Variants in ARHGEF9 observed in about 807,000 individuals in gnomAD.
ARHGEF9 encodes rho guanine nucleotide exchange factor 9.
In ARHGEF9, 2 loss-of-function variants were observed where a neutral mutation model predicts 41.3. That is an observed-to-expected ratio of 0.05 (90% CI 0.02 to 0.15). ARHGEF9 has a LOEUF of 0.15. ARHGEF9 is among the 10% of genes least tolerant of loss of function. The pLI, the probability that ARHGEF9 is intolerant of heterozygous loss-of-function variation, is 1.00. For synonymous variants in ARHGEF9, 160 were observed against 154.4 expected, an observed-to-expected ratio of 1.04 and a Z score of -0.27; for missense variants, 225 against 424.7, an observed-to-expected ratio of 0.53 and a Z score of 4.13.
chrX:63,654,105 T>C (rs1278434174), intron 8 of ARHGEF9, among the ~76,000 whole-genome samples: 1 of 109,080 alleles, frequency 9.2e-6, no homozygotes, highest in Non-Finnish European at 1.9e-5. Flanking sequence ...TACTTTTCTG[T>C]TGCTTTTTCC....
At chrX:63,775,128 C>T (rs782741102) in intron 1 of ARHGEF9, among the ~76,000 whole-genome samples, 2 of 112,254 alleles carry the variant, frequency 1.8e-5, no homozygotes, top group Non-Finnish European at 3.8e-5. Context: ...CAATGAGATA[C>T]CATCTCACAC....
chrX:63,725,480 AGGCAGGACCTGTGCAT>A (rs782510296), intron 1 of ARHGEF9, among the ~76,000 whole-genome samples: 1 of 112,610 alleles, frequency 8.9e-6, no homozygotes, highest in African/African-American at 3.2e-5. Context: ...TCAGCTGGCA[AGGCAGGACCTGTGCAT>A]GGAATGCACG....
At chrX:63,767,126 A>C in intron 1 of ARHGEF9, 1 of 942,689 alleles carries the variant, frequency 1.1e-6, no homozygotes. Context: ...TCACCATTAC[A>C]GGCCATGCTG....
intron 3 of ARHGEF9, among the ~76,000 whole-genome samples, chrX:63,700,041 CAG>C (rs1458362727): frequency 9.0e-6 from 1 of 111,337 alleles, no homozygotes; most frequent in East Asian, 2.8e-4. Flanking sequence ...AAGTCTTTGC[CAG>C]AGAGTGTAAA....
intron 8 of ARHGEF9, among the ~76,000 whole-genome samples, chrX:63,650,216 A>G (rs2048454279): frequency 9.0e-6 from 1 of 111,561 alleles, no homozygotes; most frequent in South Asian, 3.7e-4. Flanking sequence ...TACCGAGGAA[A>G]TATCTATGCT....
intron 7 of ARHGEF9, among the ~76,000 whole-genome samples, chrX:63,659,345 G>C (rs2049074347): frequency 1.8e-5 from 2 of 112,084 alleles, no homozygotes; most frequent in African/African-American, 6.5e-5. Flanking sequence ...ACGGTGAGCA[G>C]GTGCTCAAAA....
chrX:63,639,002 T>C (rs1254520189), intron 9 of ARHGEF9, among the ~76,000 whole-genome samples: 1 of 112,271 alleles, frequency 8.9e-6, no homozygotes, highest in African/African-American at 3.2e-5. Context: ...TCCAGGAACC[T>C]GGAGGCCTAA....
chrX:63,718,727 A>G (rs1373460256), intron 2 of ARHGEF9, among the ~76,000 whole-genome samples: 11 of 112,425 alleles, frequency 9.8e-5, no homozygotes, highest in Non-Finnish European at 1.9e-4. Flanking sequence ...CTACAGCATA[A>G]GGGCTAGTAG....
At chrX:63,770,576 A>G (rs1464851553) in intron 1 of ARHGEF9, among the ~76,000 whole-genome samples, 2 of 112,299 alleles carry the variant, frequency 1.8e-5, no homozygotes, top group Non-Finnish European at 3.8e-5. Flanking sequence ...TAAAATGTAA[A>G]AACATAAAAT....
At chrX:63,652,299 A>T (rs1206606518) in intron 8 of ARHGEF9, among the ~76,000 whole-genome samples, 1 of 111,963 alleles carries the variant, frequency 8.9e-6, no homozygotes, top group Non-Finnish European at 1.9e-5. Flanking sequence ...TCAACTGTGG[A>T]TCAAAAATAT....
At chrX:63,780,771 A>G (rs182804497) in intron 1 of ARHGEF9, among the ~76,000 whole-genome samples, 1 of 111,869 alleles carries the variant, frequency 8.9e-6, no homozygotes. Context: ...GTTGACTCAG[A>G]GAGCTCCCAG....
chrX:63,718,822 G>T (rs1235094571), intron 2 of ARHGEF9, among the ~76,000 whole-genome samples: 1 of 111,647 alleles, frequency 9.0e-6, no homozygotes, highest in Non-Finnish European at 1.9e-5. Flanking sequence ...CTCTGGTCCT[G>T]CCTGGAGGCT....
intron 3 of ARHGEF9, among the ~76,000 whole-genome samples, chrX:63,699,078 G>C (rs191659262): frequency 0.038 from 4,221 of 111,275 alleles, 198 homozygotes; most frequent in African/African-American, 0.13. Flanking sequence ...GTCTGTGCCT[G>C]TGTGCCTGTC....
chrX:63,718,010 T>C (rs1345140590), intron 2 of ARHGEF9, among the ~76,000 whole-genome samples: 5 of 111,869 alleles, frequency 4.5e-5, no homozygotes, highest in East Asian at 2.8e-4. Context: ...TCCTGAGGTA[T>C]AACTGGTGGC....
chrX:63,693,431 G>A (rs2051491746), intron 4 of ARHGEF9, among the ~76,000 whole-genome samples: 1 of 109,921 alleles, frequency 9.1e-6, no homozygotes, highest in South Asian at 4.0e-4. Flanking sequence ...CTAATATGGT[G>A]AAACCCCGTC....
At chrX:63,644,332 C>T (rs1306991517) in intron 8 of ARHGEF9, 3 of 180,444 alleles carry the variant, frequency 1.7e-5, no homozygotes, top group Non-Finnish European at 3.0e-5. Flanking sequence ...AATGGAGAAT[C>T]GTTAAATAAA....
intron 3 of ARHGEF9, among the ~76,000 whole-genome samples, chrX:63,697,531 A>G (rs1556390014): frequency 8.9e-6 from 1 of 111,922 alleles, no homozygotes; most frequent in Admixed American, 9.5e-5. Context: ...AAAGACTCCA[A>G]AGTCTTTTCC....
At chrX:63,679,162 T>C (rs572197418) in intron 4 of ARHGEF9, among the ~76,000 whole-genome samples, 1 of 111,196 alleles carries the variant, frequency 9.0e-6, no homozygotes, top group Non-Finnish European at 1.9e-5. Flanking sequence ...TGTATATGTA[T>C]GTATGGACAT....
chrX:63,694,894 T>G (rs2051633850), intron 4 of ARHGEF9, among the ~76,000 whole-genome samples: 1 of 112,070 alleles, frequency 8.9e-6, no homozygotes, highest in Non-Finnish European at 1.9e-5. Context: ...AAAAATGAAA[T>G]TCTAGAACTA....
Sources: allele counts gnomAD v4.1 joint callset (sites outside exome capture counted in the v4.1 genomes callset), GRCh38; gene constraint gnomAD v4.1.1; transcripts MANE v1.5; gene names NCBI Gene and HGNC (gene_info 2026-07-23, HGNC 2026-07-21).